The following EPHA6 variants were observed in gnomAD, a reference collection of about 807,000 sequenced individuals.
The protein encoded by EPHA6 is EPH receptor A6, also known as ephrin type-A receptor 6.
Under a neutral mutation model 112.0 loss-of-function variants are expected in EPHA6, and 50 were observed. That is an observed-to-expected ratio of 0.45 (90% CI 0.36 to 0.56). The LOEUF (loss-of-function observed/expected upper bound fraction) is 0.56, where lower values mean the gene tolerates loss of function less well. Among genes scored for constraint, EPHA6 ranks in the 20% least tolerant of loss-of-function variants. The pLI, the probability that EPHA6 is intolerant of heterozygous loss-of-function variation, is 0.00. For synonymous variants in EPHA6, 529 were observed against 490.7 expected (o/e 1.08, Z -1.03); for missense variants, 1,280 against 1,417.4 (o/e 0.90, Z 1.56).
At chr3:97,056,385 A>C (rs1374098500) in intron 3 of EPHA6, among the ~76,000 whole-genome samples, 1 of 152,170 alleles carries the variant, frequency 6.6e-6, no homozygotes, top group Non-Finnish European at 1.5e-5. Flanking sequence ...CTCTTCTCCT[A>C]TCTAAACATT....
chr3:97,003,869 A>C (rs999530711), intron 3 of EPHA6, among the ~76,000 whole-genome samples: 1 of 138,350 alleles, frequency 7.2e-6, no homozygotes, highest in Non-Finnish European at 1.5e-5. Context: ...TTCAACCCCC[A>C]CTTATGAGTG....
intron 5 of EPHA6, among the ~76,000 whole-genome samples, chr3:97,358,555 TAAATC>T (rs200408738): frequency 0.025 from 3,822 of 152,286 alleles, 147 homozygotes; most frequent in African/African-American, 0.084. Context: ...TATTAGTACT[TAAATC>T]AAGTAGAAAA....
At chr3:97,533,139 A>G (rs1012791402) in intron 11 of EPHA6, among the ~76,000 whole-genome samples, 3 of 152,114 alleles carry the variant, frequency 2.0e-5, no homozygotes, top group Non-Finnish European at 4.4e-5. Context: ...CCTCTAAGAA[A>G]TAGATTGCTA....
chr3:96,853,140 G>A (rs887290032), intron 1 of EPHA6, among the ~76,000 whole-genome samples: 1 of 151,934 alleles, frequency 6.6e-6, no homozygotes, highest in Admixed American at 6.6e-5. Flanking sequence ...AGGCATAAAG[G>A]CATATTATCA....
chr3:97,466,340 A>G (rs983678706), intron 7 of EPHA6: 16 of 1,602,444 alleles, frequency 1.0e-5, no homozygotes, highest in African/African-American at 1.3e-5. Context: ...TTGGATATAT[A>G]AAGTCCTGCA....
intron 3 of EPHA6, among the ~76,000 whole-genome samples, chr3:97,077,861 C>T (rs2046585747): frequency 1.3e-5 from 2 of 152,152 alleles, no homozygotes. Flanking sequence ...TATATGTGTG[C>T]ATGTGTCTTT....
At chr3:96,897,090 GTGTT>G (rs1379773607) in intron 2 of EPHA6, among the ~76,000 whole-genome samples, 6 of 152,030 alleles carry the variant, frequency 3.9e-5, no homozygotes, top group East Asian at 1.9e-4. Flanking sequence ...CTTTAACAAA[GTGTT>G]TGTACAAACA....
intron 3 of EPHA6, among the ~76,000 whole-genome samples, chr3:97,127,182 G>C (rs1227718394): frequency 1.3e-5 from 2 of 152,166 alleles, no homozygotes; most frequent in Non-Finnish European, 2.9e-5. Context: ...GCTAAGAGTG[G>C]ACAGCAGTCA....
At chr3:96,880,870 T>G (rs1306296337) in intron 2 of EPHA6, among the ~76,000 whole-genome samples, 1 of 152,212 alleles carries the variant, frequency 6.6e-6, no homozygotes, top group African/African-American at 2.4e-5. Context: ...TTCCTTTTTA[T>G]AGTTGAATAA....
At position 97,716,841 on chromosome 3, in the gene EPHA6, C is replaced by A. The variant is rs193040675; in HGVS notation, c.2785-3420C>A. Among the ~76,000 whole-genome samples, 497 of 152,246 alleles carry A rather than the reference C, an allele frequency of 3.3e-3. 1 individual carries two copies. The highest frequency in any genetic ancestry group is 5.3e-3 in the Non-Finnish European group (361 of 68,020). On this transcript the variant is annotated intron_variant, in intron 14 of 17. Coordinates refer to ENST00000389672, the MANE Select transcript of EPHA6 (RefSeq NM_001080448.3). ...ATCATGCATTTTGTTAATTCAAATT[C>A]TATTTCCTACATTAAACTTATGTCC...
intron 2 of EPHA6, among the ~76,000 whole-genome samples, chr3:96,883,946 TACAGGCCCA>T (rs1311980487): frequency 6.6e-6 from 1 of 152,120 alleles, no homozygotes; most frequent in Non-Finnish European, 1.5e-5. Flanking sequence ...GTGCTAGGAT[TACAGGCCCA>T]GTACCATTTG....
At chr3:97,399,117 G>A (rs2086846471) in intron 5 of EPHA6, among the ~76,000 whole-genome samples, 1 of 151,368 alleles carries the variant, frequency 6.6e-6, no homozygotes. Context: ...CCCCTTCCAA[G>A]TCTCTAGTAA....
At chr3:97,419,870 T>A (rs2088468465) in intron 6 of EPHA6, among the ~76,000 whole-genome samples, 1 of 152,100 alleles carries the variant, frequency 6.6e-6, no homozygotes, top group Non-Finnish European at 1.5e-5. Flanking sequence ...ACTGAAGTAA[T>A]TCAAGTTTCT....
In EPHA6 at chr3:97,321,312, C is replaced by A. The variant is rs1212619410; in HGVS notation, c.1606+77025C>A. Among the ~76,000 whole-genome samples the A allele has an allele frequency of 2.6e-5, 4 of 151,862 alleles. No homozygotes were observed. In the South Asian group the frequency reaches 6.2e-4, roughly 24 times the overall value. On this transcript the variant is annotated intron_variant, in intron 5 of 17. Transcript: ENST00000389672. ...AGATGCCAATAATTCTTTAACTGGG[C>A]TGTAAAACACTAAGCCCATGAATAC...
intron 2 of EPHA6, among the ~76,000 whole-genome samples, chr3:96,910,442 G>T (rs2039158909): frequency 6.6e-6 from 1 of 151,926 alleles, no homozygotes; most frequent in African/African-American, 2.4e-5. Flanking sequence ...TCACTGTTTT[G>T]CTCAAAACCT....
At chr3:97,153,638 T>A (rs1478788858) in intron 3 of EPHA6, among the ~76,000 whole-genome samples, 2 of 152,280 alleles carry the variant, frequency 1.3e-5, no homozygotes, top group Admixed American at 1.3e-4. Context: ...AACATTTTTT[T>A]TTCCTTAAAA....
At chr3:97,281,487 C>T (rs1361776753) in intron 5 of EPHA6, among the ~76,000 whole-genome samples, 1 of 152,012 alleles carries the variant, frequency 6.6e-6, no homozygotes, top group East Asian at 1.9e-4. Context: ...CCCTCAGTCT[C>T]CTAATCAAGT....
intron 11 of EPHA6, among the ~76,000 whole-genome samples, chr3:97,548,301 G>C (rs2092984766): frequency 6.6e-6 from 1 of 152,156 alleles, no homozygotes; most frequent in Non-Finnish European, 1.5e-5. Flanking sequence ...TCAGTGCATT[G>C]TATCAGGGGG....
At chr3:97,544,356 G>T (rs1025065630) in intron 11 of EPHA6, among the ~76,000 whole-genome samples, 1 of 152,064 alleles carries the variant, frequency 6.6e-6, no homozygotes, top group Non-Finnish European at 1.5e-5. Flanking sequence ...TAATCATGTG[G>T]TTTTTGTCTT....
Sources: gnomAD v4.1 joint callset for allele counts (sites outside exome capture counted in the v4.1 genomes callset) on GRCh38, gnomAD v4.1.1 for gene constraint, MANE v1.5 for transcripts, NCBI Gene and HGNC (gene_info 2026-07-23, HGNC 2026-07-21) for gene names.